The following MTSS1 variants were observed in gnomAD, a reference collection of about 807,000 sequenced individuals.
The protein encoded by MTSS1 is protein MTSS 1.
MTSS1 carries 18 observed loss-of-function variants against 79.0 expected under a neutral mutation model. The ratio of observed to expected loss-of-function variants is 0.23; its 90% CI spans 0.16 to 0.34. MTSS1 has a LOEUF of 0.34. Ranked by LOEUF, MTSS1 falls within the 10% of genes least tolerant of loss-of-function variation. The pLI, the probability that MTSS1 is intolerant of heterozygous loss-of-function variation, is 1.00. For synonymous variants in MTSS1, 341 were observed against 368.6 expected, an observed-to-expected ratio of 0.93 and a Z score of 0.86; for missense variants, 815 against 986.2, an observed-to-expected ratio of 0.83 and a Z score of 2.33.
At chr8:124,607,486 G>A (rs1353394108) in intron 3 of MTSS1, among the ~76,000 whole-genome samples, 2 of 152,104 alleles carry the variant, frequency 1.3e-5, no homozygotes, top group Admixed American at 6.5e-5. Context: ...TTTTAAAAAA[G>A]GAATTGAAAT....
At chr8:124,589,452 TCTC>T (rs1467172631) in intron 5 of MTSS1, among the ~76,000 whole-genome samples, 165 bp downstream of exon 5, 2 of 152,186 alleles carry the variant, frequency 1.3e-5, no homozygotes, top group Non-Finnish European at 2.9e-5. Flanking sequence ...ATCACTTTGT[TCTC>T]CTCATCCCCT....
Position 124,553,602 on chromosome 8 carries a change from T to A in MTSS1, c.1658A>T (p.Asp553Val), listed in dbSNP as rs1435684768. The A allele has an allele frequency of 1.9e-6, 3 of 1,614,062 alleles. No homozygotes were observed. The African/African-American group carries it at 4.0e-5, about 22-fold the overall frequency. ...DKSSTIPRNS[D>V]ISQSYRRMFQ... ...CATCCGTCGGTAGGACTGGCTGATG[T>A]CGCTGTTTCTTGGAATGGTGGAGGA... Residue 553 changes from aspartate (D) to valine (V), a missense_variant, in exon 14 of 14, where the codon GAC (aspartate) becomes GTC (valine). Physicochemically the swap from Asp to Val is radical, Grantham distance 152. Transcript: ENST00000518547. The surrounding 1 kb of genome is among the most constrained non-coding windows in gnomAD (Gnocchi z 6.0).
In MTSS1 at chr8:124,699,617, A is replaced by G; in HGVS notation, c.135-18T>C. 1 of 1,612,562 alleles carries G rather than the reference A, an allele frequency of 6.2e-7. No homozygotes were observed. Among genetic ancestry groups the G allele is most frequent in the Non-Finnish European group, 8.5e-7 (1 of 1,178,646 alleles). On this transcript the variant is annotated intron_variant, in intron 2 of 13. Transcript: ENST00000518547. ...CTGTTGTCCTAAAATGCAAACAGAT[A>G]ACAAAAGCATAAGGAATGTCTCTCC...
intron 2 of MTSS1, among the ~76,000 whole-genome samples, chr8:124,700,515 T>C (rs893860347): frequency 6.6e-6 from 1 of 152,216 alleles, no homozygotes; most frequent in African/African-American, 2.4e-5. Context: ...AGATCCTAGT[T>C]ATAATGAAAC....
chr8:124,651,659 T>C (rs753742761), intron 3 of MTSS1, among the ~76,000 whole-genome samples: 3 of 152,116 alleles, frequency 2.0e-5, no homozygotes, highest in African/African-American at 7.2e-5. Flanking sequence ...TCCTGGGACA[T>C]AAGTCTCCAC....
In MTSS1 at chr8:124,683,175, A is replaced by T. The variant is rs13278026; in HGVS notation, c.208+16351T>A. Among the ~76,000 whole-genome samples the T allele has an allele frequency of 1.3e-5, 2 of 151,832 alleles. No individual in the cohort carries two copies. The highest frequency in any genetic ancestry group is 2.4e-5 in the African/African-American group (1 of 41,324). ...AAGTAAGCAAAAAAAAAAGAAAAAA[A>T]GTTTCTTATACACAAATGTTTTAAC... On this transcript the variant is annotated intron_variant, in intron 3 of 13. Transcript: ENST00000518547. This position sits in a 1 kb window ranked among gnomAD's most constrained non-coding sequence, Gnocchi z 4.5.
At chr8:124,601,895 A>C (rs139110266) in intron 3 of MTSS1, among the ~76,000 whole-genome samples, 2,363 of 152,306 alleles carry the variant, frequency 0.016, 31 homozygotes, top group Non-Finnish European at 0.024. Flanking sequence ...TATAAGGTGA[A>C]GTGACAGAAC....
chr8:124,659,056 GT>G (rs1299155119), intron 3 of MTSS1, among the ~76,000 whole-genome samples: 1 of 152,124 alleles, frequency 6.6e-6, no homozygotes. Context: ...TTTGAACTTT[GT>G]TTTAGAGGAT....
At chr8:124,720,654 A>G (rs1832774232) in intron 1 of MTSS1, among the ~76,000 whole-genome samples, 1 of 152,190 alleles carries the variant, frequency 6.6e-6, no homozygotes, top group Non-Finnish European at 1.5e-5. Flanking sequence ...GCAAGAAAAA[A>G]ACTCAACTTC....
chr8:124,574,188 G>C (rs4531038), intron 6 of MTSS1, among the ~76,000 whole-genome samples: 2 of 151,744 alleles, frequency 1.3e-5, no homozygotes, highest in South Asian at 4.1e-4. Flanking sequence ...TAAGTGATCT[G>C]CCTGCCTCGG....
At chr8:124,695,086 A>G (rs2135316547) in intron 3 of MTSS1, among the ~76,000 whole-genome samples, 1 of 152,324 alleles carries the variant, frequency 6.6e-6, no homozygotes, top group Admixed American at 6.5e-5. Context: ...CATAACAACT[A>G]GATTGATTTT....
intron 3 of MTSS1, among the ~76,000 whole-genome samples, chr8:124,666,924 G>C (rs73343990): frequency 0.026 from 3,937 of 152,220 alleles, 169 homozygotes; most frequent in African/African-American, 0.089. Flanking sequence ...AGGAGTTTAG[G>C]GGGAGAGTTG....
chr8:124,617,218 A>G (rs1180117718), intron 3 of MTSS1, among the ~76,000 whole-genome samples: 1 of 152,164 alleles, frequency 6.6e-6, no homozygotes, highest in Admixed American at 6.5e-5. Context: ...CAGGCGGGGC[A>G]ACTCTTTCTT....
At chr8:124,576,577 C>CTGAA (rs999768543) in intron 6 of MTSS1, among the ~76,000 whole-genome samples, 19 of 152,188 alleles carry the variant, frequency 1.2e-4, no homozygotes, top group East Asian at 1.9e-4. Context: ...TACCCCTTTC[C>CTGAA]TGAATGAATG....
chr8:124,677,824 T>C (rs1274035395), intron 3 of MTSS1, among the ~76,000 whole-genome samples: 1 of 152,206 alleles, frequency 6.6e-6, no homozygotes, highest in Admixed American at 6.5e-5. Context: ...AAGAGTCCTT[T>C]AGTCACCTGT....
intron 3 of MTSS1, among the ~76,000 whole-genome samples, chr8:124,680,082 C>T (rs1825890526): frequency 6.6e-6 from 1 of 151,900 alleles, no homozygotes; most frequent in African/African-American, 2.4e-5. Flanking sequence ...GTATTAAACC[C>T]TTGGAAACAC....
chr8:124,577,179 A>C (rs183722474), intron 6 of MTSS1, among the ~76,000 whole-genome samples: 1 of 152,330 alleles, frequency 6.6e-6, no homozygotes, highest in Admixed American at 6.5e-5. Flanking sequence ...TCAGTTATAA[A>C]ATACATCTAA....
At chr8:124,711,698 C>A (rs532489899) in intron 1 of MTSS1, among the ~76,000 whole-genome samples, 1 of 152,044 alleles carries the variant, frequency 6.6e-6, no homozygotes, top group East Asian at 1.9e-4. Context: ...GGTCAGGACC[C>A]CCAACCACAT....
intron 3 of MTSS1, among the ~76,000 whole-genome samples, chr8:124,601,290 G>A (rs994096564): frequency 1.3e-5 from 2 of 152,094 alleles, no homozygotes; most frequent in Non-Finnish European, 2.9e-5. Flanking sequence ...TCGAACTCCT[G>A]ACCTCTGGTG....
Sources: allele counts gnomAD v4.1 joint callset (sites outside exome capture counted in the v4.1 genomes callset), GRCh38; gene constraint gnomAD v4.1.1; non-coding constraint Gnocchi (gnomAD v3.1); transcripts MANE v1.5; gene names NCBI Gene and HGNC (gene_info 2026-07-23, HGNC 2026-07-21).